Variants in SP100 observed in about 807,000 individuals in gnomAD.
SP100 encodes SP100 nuclear body protein.
In SP100, 84 loss-of-function variants were observed where a neutral mutation model predicts 130.0. The observed-to-expected ratio is 0.65, with a 90% CI of 0.54 to 0.77. SP100 has a LOEUF of 0.77. Among genes scored for constraint, SP100 ranks in the 30% least tolerant of loss-of-function variants. The probability of loss-of-function intolerance (pLI) is 0.00; values close to 1 mark genes in which losing one functional copy is unlikely to be tolerated. For synonymous variants in SP100, 331 were observed against 351.7 expected, an observed-to-expected ratio of 0.94 and a Z score of 0.66; for missense variants, 978 against 1,052.2, an observed-to-expected ratio of 0.93 and a Z score of 0.97.
chr2:230,460,647 C>T (rs2064549936), intron 8 of SP100, among the ~76,000 whole-genome samples: 1 of 14,960 alleles, frequency 6.7e-5, no homozygotes, highest in Admixed American at 7.6e-4. Flanking sequence ...GACGGAGTCT[C>T]GCTCTGTCGC....
At chr2:230,424,674 A>AG (rs1189524384) in intron 2 of SP100, among the ~76,000 whole-genome samples, 204 of 151,760 alleles carry the variant, frequency 1.3e-3, no homozygotes, top group African/African-American at 4.5e-3. Flanking sequence ...ATCTCAAAAA[A>AG]AAAAAAAAAA....
intron 1 of SP100, among the ~76,000 whole-genome samples, chr2:230,417,163 C>T (rs1349365194): frequency 6.6e-6 from 1 of 152,120 alleles, no homozygotes; most frequent in Non-Finnish European, 1.5e-5. Flanking sequence ...GTCTTGGGCA[C>T]AGCTTTTCTT....
rs141417132 is a variant in SP100 at position 230,440,353 on chromosome 2, A to G, written c.108-2584A>G. 6.7e-5 allele frequency: 18 copies of G among 267,382 alleles called. No individual in the cohort carries two copies. The East Asian group carries it at 1.4e-3, about 21-fold the overall frequency. The allele number at this position is 267,382 out of a possible 1,614,324, so 16.6% of individuals were successfully genotyped here. ...TATGTTTCAAACCAATTATATTTTC[A>G]TATAATAGTAATAAGGAATTTGAAA... is the stretch of plus-strand genomic sequence containing the variant. On this transcript the variant is annotated intron_variant, in intron 2 of 28. Coordinates refer to ENST00000340126, the MANE Select transcript of SP100 (RefSeq NM_001080391.2).
At chr2:230,501,634 G>A (rs1350214636) in intron 19 of SP100, among the ~76,000 whole-genome samples, 4 of 146,552 alleles carry the variant, frequency 2.7e-5, no homozygotes, top group African/African-American at 7.3e-5. Context: ...AAAGGAAGGA[G>A]CATTCACAAT....
chr2:230,468,167 C>T (rs1173340769), intron 13 of SP100, among the ~76,000 whole-genome samples: 2 of 152,190 alleles, frequency 1.3e-5, no homozygotes, highest in Non-Finnish European at 2.9e-5. Context: ...TTTCTTTGCA[C>T]ATCACATATG....
intron 18 of SP100, among the ~76,000 whole-genome samples, chr2:230,498,114 C>A (rs779186399): frequency 3.3e-5 from 5 of 152,178 alleles, no homozygotes; most frequent in Non-Finnish European, 5.9e-5. Flanking sequence ...ATGTAAATAT[C>A]TTGTGTTAGT....
Position 230,503,023 on chromosome 2 carries a change from T to C in SP100, c.1721-43T>C, listed in dbSNP as rs761191532. On this transcript the variant is annotated intron_variant, in intron 19 of 28. Transcript: ENST00000340126. Reference sequence around the variant, plus strand: ...GGTGGTTTTGTAAAACACTACTATTTGCAATGTAAAGAGACATTTATGTTG... The same window carrying C: ...GGTGGTTTTGTAAAACACTACTATTCGCAATGTAAAGAGACATTTATGTTG... 22 of 1,437,236 alleles carry C rather than the reference T, an allele frequency of 1.5e-5. No individual in the cohort carries two copies. In the Admixed American group the frequency reaches 4.1e-4, roughly 27 times the overall value. 89.0% of individuals were successfully genotyped at this position (1,437,236 alleles called of 1,614,324 possible).
Position 230,540,962 on chromosome 2 carries a change from T to C in SP100, c.2297T>C (p.Val766Ala). 1 of 1,613,436 alleles carries C rather than the reference T, an allele frequency of 6.2e-7. No homozygotes were observed. ...CAATCAGGTCATCAGGAATCTGAAG[T>C]CCTGATGAGGCAGATGCTGCCTGAG... The part of the protein sequence containing the change: ...ESQSGHQESE[V>A]LMRQMLPEEQ... The change falls in exon 26 of 29, where the codon GTC becomes GCC. Residue 766 changes from valine (V) to alanine (A), a missense_variant. Coordinates refer to ENST00000340126, the MANE Select transcript of SP100 (RefSeq NM_001080391.2).
intron 2 of SP100, among the ~76,000 whole-genome samples, chr2:230,436,802 AT>A (rs2063281944): frequency 6.6e-6 from 1 of 152,024 alleles, no homozygotes; most frequent in East Asian, 1.9e-4. Context: ...CCTACCAATT[AT>A]TTTATTTTCA....
At position 230,540,866 on chromosome 2, in the gene SP100, C is replaced by T. The variant is rs1334126243; in HGVS notation, c.2211-10C>T. 1.2e-5 allele frequency: 19 copies of T among 1,608,246 alleles called. No individual in the cohort carries two copies. The highest frequency in any genetic ancestry group is 1.6e-5 in the Non-Finnish European group (19 of 1,176,468). On this transcript the variant is annotated splice_polypyrimidine_tract_variant and intron_variant, in intron 25 of 28. Coordinates refer to ENST00000340126, the MANE Select transcript of SP100 (RefSeq NM_001080391.2). ...ACCTGCCATTGCTCACTTTATGCCCCATCTCTCAGGAACCCGTGGAGTTGC... is the reference window on the plus strand; with the variant it reads ...ACCTGCCATTGCTCACTTTATGCCCTATCTCTCAGGAACCCGTGGAGTTGC...
At chr2:230,435,701 T>A (rs10207273) in intron 2 of SP100, among the ~76,000 whole-genome samples, 18,988 of 152,158 alleles carry the variant, frequency 0.12, 1,641 homozygotes, top group Non-Finnish European at 0.19. Flanking sequence ...CTCTTCTTCC[T>A]GATCCTCTCC....
intron 24 of SP100, among the ~76,000 whole-genome samples, chr2:230,525,964 C>A (rs1339678324): frequency 6.6e-6 from 1 of 152,206 alleles, no homozygotes. Context: ...TAGATTCCAC[C>A]TATGGGGGCA....
At position 230,540,882 on chromosome 2, in the gene SP100, G is replaced by T; in HGVS notation, c.2217G>T (p.Pro739=). 6.2e-7 allele frequency: 1 copy of T among 1,611,468 alleles called. No individual in the cohort carries two copies. The highest frequency in any genetic ancestry group is 8.5e-7 in the Non-Finnish European group (1 of 1,178,248). Residue 739 remains proline (P), a synonymous_variant, in exon 26 of 29, where the codon CCG becomes CCT. Coordinates refer to ENST00000340126, the MANE Select transcript of SP100 (RefSeq NM_001080391.2). ...HIPSVEANKN[P]WSCIFCRIKT... ...TTTATGCCCCATCTCTCAGGAACCC[G>T]TGGAGTTGCATCTTCTGCAGGATAA...
At chr2:230,456,299 A>G (rs2064272391) in intron 8 of SP100, among the ~76,000 whole-genome samples, 2 of 152,034 alleles carry the variant, frequency 1.3e-5, no homozygotes, top group African/African-American at 4.8e-5. Flanking sequence ...AAACTCCCTC[A>G]TATGTTAGTT....
At chr2:230,535,786 C>T (rs569751371) in intron 24 of SP100, among the ~76,000 whole-genome samples, 3 of 150,660 alleles carry the variant, frequency 2.0e-5, no homozygotes, top group African/African-American at 7.3e-5. Context: ...GCATGCCTGT[C>T]GTCCCAGCTA....
chr2:230,487,720 A>G (rs1381512822), intron 17 of SP100, among the ~76,000 whole-genome samples: 3 of 152,168 alleles, frequency 2.0e-5, no homozygotes, highest in Non-Finnish European at 4.4e-5. Flanking sequence ...AATTCTGTGA[A>G]GAATGTCAAT....
chr2:230,481,715 T>C (rs2065840890), intron 17 of SP100, among the ~76,000 whole-genome samples: 1 of 152,192 alleles, frequency 6.6e-6, no homozygotes, highest in Admixed American at 6.5e-5. Flanking sequence ...TCTAAACTTC[T>C]TACTGTGCCT....
At chr2:230,422,472 T>C (rs940440586) in intron 2 of SP100, among the ~76,000 whole-genome samples, 2 of 152,204 alleles carry the variant, frequency 1.3e-5, no homozygotes, top group Admixed American at 1.3e-4. Flanking sequence ...TCTAAAGGAA[T>C]GGTGCCTCTA....
intron 2 of SP100, among the ~76,000 whole-genome samples, chr2:230,419,130 A>G (rs2062698381): frequency 6.6e-6 from 1 of 152,186 alleles, no homozygotes; most frequent in African/African-American, 2.4e-5. Context: ...TCCTTCATAG[A>G]TATTTGATAT....
Sources: gnomAD v4.1 joint callset for allele counts (sites outside exome capture counted in the v4.1 genomes callset) on GRCh38, gnomAD v4.1.1 for gene constraint, MANE v1.5 for transcripts, NCBI Gene and HGNC (gene_info 2026-07-23, HGNC 2026-07-21) for gene names.